GCNT1: variants seen among roughly 807,000 people sequenced by gnomAD.
The protein encoded by GCNT1 is beta-1,3-galactosyl-O-glycosyl-glycoprotein beta-1,6-N-acetylglucosaminyltransferase.
A neutral mutation model predicts 26.2 loss-of-function variants in GCNT1; 16 were observed. That is an observed-to-expected ratio of 0.61 (90% CI 0.41 to 0.93). The LOEUF (loss-of-function observed/expected upper bound fraction) is 0.93, where lower values mean the gene tolerates loss of function less well. GCNT1 is among the 40% of genes least tolerant of loss of function. The pLI, the probability that GCNT1 is intolerant of heterozygous loss-of-function variation, is 0.00. For missense variants in GCNT1, 477 were observed against 526.7 expected, an observed-to-expected ratio of 0.91 and a Z score of 0.92; for synonymous variants, 183 against 190.8, an observed-to-expected ratio of 0.96 and a Z score of 0.34.
chr9:76,478,249 T>G (rs1824307793), intron 2 of GCNT1, among the ~76,000 whole-genome samples: 3 of 152,230 alleles, frequency 2.0e-5, no homozygotes, highest in Admixed American at 2.0e-4. Flanking sequence ...ACTCTTTGCG[T>G]CCGCACTACC....
intron 2 of GCNT1, among the ~76,000 whole-genome samples, chr9:76,489,493 A>G (rs1422853218): frequency 6.6e-6 from 1 of 152,190 alleles, no homozygotes; most frequent in African/African-American, 2.4e-5. Context: ...CTGCTGGCTC[A>G]GGTGTCCAGC....
intron 2 of GCNT1, among the ~76,000 whole-genome samples, chr9:76,479,318 C>T (rs1019818845): frequency 2.0e-5 from 3 of 152,142 alleles, no homozygotes; most frequent in African/African-American, 7.2e-5. Flanking sequence ...AATAAACCTA[C>T]GTGTGCATGT....
chr9:76,477,213 C>T (rs1176813844), intron 2 of GCNT1, among the ~76,000 whole-genome samples: 1 of 151,878 alleles, frequency 6.6e-6, no homozygotes, highest in Non-Finnish European at 1.5e-5. Context: ...CTGCGCCCAG[C>T]CTCTTAAATT....
chr9:76,394,298 G>T, the GCNT1 span: 1 of 865,292 alleles, frequency 1.2e-6, no homozygotes, highest in Non-Finnish European at 1.7e-6. Context: ...CCGCGGGGGC[G>T]CACCAGTGGC....
chr9:76,454,593 C>G (rs140032504), upstream of GCNT1, among the ~76,000 whole-genome samples: 395 of 151,376 alleles, frequency 2.6e-3, 1 homozygote, highest in African/African-American at 9.2e-3. Flanking sequence ...ATAATCCCCA[C>G]GTGGTGAGGG....
intron 1 of GCNT1, among the ~76,000 whole-genome samples, chr9:76,453,281 T>C (rs1823703218): frequency 6.6e-6 from 1 of 151,944 alleles, no homozygotes; most frequent in South Asian, 2.1e-4. Flanking sequence ...AAAAGGTGTG[T>C]AGGAATGGGT....
At chr9:76,454,300 C>T (rs1267503511), upstream of GCNT1, among the ~76,000 whole-genome samples, 4 of 140,752 alleles carry the variant, frequency 2.8e-5, no homozygotes, top group Admixed American at 7.5e-5. Context: ...CGCTTGAACC[C>T]GGGAGGCGGA....
At chr9:76,477,125 G>T (rs906914964) in intron 2 of GCNT1, among the ~76,000 whole-genome samples, 2 of 151,748 alleles carry the variant, frequency 1.3e-5, no homozygotes, top group African/African-American at 2.4e-5. Flanking sequence ...ATGTTGGCCG[G>T]GCTGGTCTCG....
At chr9:76,437,050 A>AT (rs1340868380), upstream of GCNT1, among the ~76,000 whole-genome samples, 1 of 152,144 alleles carries the variant, frequency 6.6e-6, no homozygotes. Flanking sequence ...TGGCACATGT[A>AT]TACATATGTA....
At chr9:76,482,160 C>G (rs751036965) in intron 2 of GCNT1, among the ~76,000 whole-genome samples, 1 of 152,072 alleles carries the variant, frequency 6.6e-6, no homozygotes, top group African/African-American at 2.4e-5. Flanking sequence ...GCAAGATGTA[C>G]AGAAATGCAA....
At chr9:76,448,579 A>G (rs926720709) in intron 1 of GCNT1, among the ~76,000 whole-genome samples, 1 of 152,210 alleles carries the variant, frequency 6.6e-6, no homozygotes, top group African/African-American at 2.4e-5. Context: ...AATCAAGATA[A>G]AGAACATTTC....
intron 2 of GCNT1, among the ~76,000 whole-genome samples, chr9:76,466,034 T>A (rs1014314404): frequency 6.6e-6 from 1 of 151,986 alleles, no homozygotes; most frequent in Non-Finnish European, 1.5e-5. Flanking sequence ...CTGGAAGAGA[T>A]CTGGGGTGGA....
At chr9:76,428,265 C>CAAAAAAAAAAAAAA (rs869195487) in intron 1 of GCNT1, among the ~76,000 whole-genome samples, 15 of 29,756 alleles carry the variant, frequency 5.0e-4, no homozygotes, top group Non-Finnish European at 6.0e-4. Flanking sequence ...GACTCCGTCT[C>CAAAAAAAAAAAAAA]AAAAAAAAAA....
At chr9:76,488,587 C>A (rs1180440723) in intron 2 of GCNT1, among the ~76,000 whole-genome samples, 1 of 152,156 alleles carries the variant, frequency 6.6e-6, no homozygotes, top group Non-Finnish European at 1.5e-5. Flanking sequence ...TGGGTTCAAG[C>A]GATTGTTCTG....
chr9:76,459,702 G>A (rs1487034964), intron 1 of GCNT1, among the ~76,000 whole-genome samples: 1 of 152,084 alleles, frequency 6.6e-6, no homozygotes, highest in Non-Finnish European at 1.5e-5. Flanking sequence ...GAATCCTAAC[G>A]CCAGCCCGGC....
chr9:76,454,846 T>TC (rs988202902), upstream of GCNT1, among the ~76,000 whole-genome samples: 2 of 136,694 alleles, frequency 1.5e-5, no homozygotes, highest in Non-Finnish European at 3.2e-5. Context: ...TCTTTTCTTT[T>TC]TTTTTTTTTT....
intron 2 of GCNT1, among the ~76,000 whole-genome samples, chr9:76,478,770 G>A (rs1824329864): frequency 6.6e-6 from 1 of 152,144 alleles, no homozygotes; most frequent in Admixed American, 6.5e-5. Flanking sequence ...CAGATACAAT[G>A]CAATCATGGA....
the GCNT1 span, among the ~76,000 whole-genome samples, chr9:76,395,377 CTCTT>C: frequency 3.3e-5 from 5 of 151,522 alleles, no homozygotes; most frequent in African/African-American, 9.7e-5. Context: ...ACCGTGTAGT[CTCTT>C]TCTACCTTAC....
intron 1 of GCNT1, among the ~76,000 whole-genome samples, chr9:76,430,720 A>G (rs535730090): frequency 3.3e-5 from 5 of 149,790 alleles, no homozygotes; most frequent in African/African-American, 4.9e-5. Context: ...GTCTCACTCA[A>G]TGGCCCAGGC....
Sources: allele counts gnomAD v4.1 joint callset (sites outside exome capture counted in the v4.1 genomes callset), GRCh38; gene constraint gnomAD v4.1.1; transcripts MANE v1.5; gene names NCBI Gene and HGNC (gene_info 2026-07-23, HGNC 2026-07-21).